The following ATXN8OS variants were observed in gnomAD, a reference collection of about 807,000 sequenced individuals.
The protein encoded by ATXN8OS is ATXN8 opposite strand lncRNA, also known as ATXN8 opposite strand (non-protein coding).
intron 4 of ATXN8OS, among the ~76,000 whole-genome samples, chr13:70,152,388 T>C (rs1888880347): frequency 6.6e-6 from 1 of 151,974 alleles, no homozygotes; most frequent in African/African-American, 2.4e-5. Context: ...TATACATATA[T>C]ATACACATAT....
At chr13:70,170,243 C>T (rs1889129567) in exon 5 of ATXN8OS, among the ~76,000 whole-genome samples, 1 of 151,988 alleles carries the variant, frequency 6.6e-6, no homozygotes, top group Non-Finnish European at 1.5e-5. Context: ...ATCTCAGATG[C>T]CATTCTGAAT....
Position 70,167,182 on chromosome 13 carries a change from T to C in ATXN8OS, n.574-2571T>C, listed in dbSNP as rs573398819. On this transcript the variant is annotated intron_variant and non_coding_transcript_variant, in intron 4 of 4. Coordinates refer to ENST00000678624, the Ensembl canonical transcript of ATXN8OS. ...CATTACTGGGTATATACCCAAAGGATTATAAATCATGCTGCTATAAAGACA... is the reference window on the plus strand; with the variant it reads ...CATTACTGGGTATATACCCAAAGGACTATAAATCATGCTGCTATAAAGACA... Among the ~76,000 whole-genome samples the C allele has an allele frequency of 4.6e-5, 7 of 152,208 alleles. No homozygotes were observed. In the South Asian group the frequency reaches 1.0e-3, roughly 23 times the overall value.
chr13:70,161,137 T>A lies in ATXN8OS; in HGVS notation n.574-8616T>A, dbSNP rs879490681. ...AAACTAAATACTGCAAGATTTAAAT[T>A]TTTTTAATGATTGAATTGAAAAAAA... On this transcript the variant is annotated intron_variant and non_coding_transcript_variant, in intron 4 of 4. Transcript: ENST00000678624. Among the ~76,000 whole-genome samples, 98 of 151,982 alleles carry A rather than the reference T, an allele frequency of 6.4e-4. 1 individual carries two copies. Among genetic ancestry groups the A allele is most frequent in the Admixed American group, 2.6e-3 (40 of 15,238 alleles).
intron 3 of ATXN8OS, chr13:70,130,705 A>G (rs1207087707): frequency 5.0e-6 from 2 of 398,386 alleles, no homozygotes; most frequent in Admixed American, 8.8e-5. Flanking sequence ...AGAGGGAAGA[A>G]AAACATTTAA....
intron 4 of ATXN8OS, among the ~76,000 whole-genome samples, chr13:70,148,283 T>C (rs1888816615): frequency 6.6e-6 from 1 of 152,198 alleles, no homozygotes; most frequent in Admixed American, 6.5e-5. Context: ...TTTCAAAATA[T>C]GTCAGTGAAA....
intron 4 of ATXN8OS, among the ~76,000 whole-genome samples, chr13:70,167,894 CCTGA>C (rs1194760271): frequency 6.6e-6 from 1 of 151,814 alleles, no homozygotes; most frequent in Non-Finnish European, 1.5e-5. Context: ...TGCCGCCACT[CCTGA>C]CTAATTTTTT....
intron 1 of ATXN8OS, among the ~76,000 whole-genome samples, chr13:70,112,037 T>C (rs1888204273): frequency 6.6e-6 from 1 of 152,156 alleles, no homozygotes; most frequent in Admixed American, 6.5e-5. Context: ...CTTCTGCTTC[T>C]GGGGAGGAGG....
chr13:70,129,938 T>A, intron 3 of ATXN8OS: 1 of 398,218 alleles, frequency 2.5e-6, no homozygotes, highest in Non-Finnish European at 4.4e-6. Flanking sequence ...GTGCCATTAG[T>A]GCCTCCTTGA....
intron 2 of ATXN8OS, among the ~76,000 whole-genome samples, chr13:70,122,780 C>G (rs1040773528): frequency 1.3e-5 from 2 of 151,770 alleles, no homozygotes; most frequent in South Asian, 4.2e-4. Context: ...GGGAGAGATA[C>G]AAAGATAGGC....
At chr13:70,112,745 A>G (rs1224279080) in intron 1 of ATXN8OS, among the ~76,000 whole-genome samples, 5 of 151,902 alleles carry the variant, frequency 3.3e-5, no homozygotes, top group Non-Finnish European at 7.4e-5. Context: ...TGAATTCAAA[A>G]TGGCATTAAA....
intron 2 of ATXN8OS, among the ~76,000 whole-genome samples, chr13:70,116,662 G>A (rs955901683): frequency 2.6e-5 from 4 of 152,138 alleles, no homozygotes; most frequent in African/African-American, 9.6e-5. Flanking sequence ...AGGATTTGGA[G>A]CATTGGAGTG....
At chr13:70,129,727 T>C in intron 2 of ATXN8OS, 2 of 398,254 alleles carry the variant, frequency 5.0e-6, no homozygotes, top group Non-Finnish European at 8.9e-6. Flanking sequence ...CAAAATATTA[T>C]TCTAAGTGTC....
intron 1 of ATXN8OS, among the ~76,000 whole-genome samples, chr13:70,113,515 G>T (rs1263320614): frequency 6.6e-6 from 1 of 152,068 alleles, no homozygotes; most frequent in East Asian, 1.9e-4. Flanking sequence ...ACTGAAATTT[G>T]CCTGTATCAC....
chr13:70,140,338 T>G (rs1274545179), intron 3 of ATXN8OS, among the ~76,000 whole-genome samples: 1 of 152,124 alleles, frequency 6.6e-6, no homozygotes, highest in African/African-American at 2.4e-5. Flanking sequence ...GAATTTATTT[T>G]TATTCATGTA....
chr13:70,160,749 AATTTTATATTTATATAATATG>A (rs1888997464), intron 4 of ATXN8OS, among the ~76,000 whole-genome samples: 1 of 26,950 alleles, frequency 3.7e-5, no homozygotes, highest in African/African-American at 7.3e-5. Context: ...TTTTATATAT[AATTTTATATTTATATAATATG>A]TAAATATATA....
At chr13:70,140,893 G>A (rs1033173449) in intron 3 of ATXN8OS, among the ~76,000 whole-genome samples, 1 of 152,088 alleles carries the variant, frequency 6.6e-6, no homozygotes, top group African/African-American at 2.4e-5. Flanking sequence ...ATAAGCTATG[G>A]TCAGTAGAGA....
intron 3 of ATXN8OS, chr13:70,130,795 C>T (rs192829380): frequency 1.6e-3 from 657 of 398,434 alleles, no homozygotes; most frequent in Non-Finnish European, 2.5e-3. Flanking sequence ...CCTCGGAGTA[C>T]CTGCAGAACT....
chr13:70,146,382 A>G (rs1008930991), intron 3 of ATXN8OS, among the ~76,000 whole-genome samples: 1 of 151,738 alleles, frequency 6.6e-6, no homozygotes, highest in African/African-American at 2.4e-5. Context: ...TAGAACTAGA[A>G]ATACCATTTG....
intron 3 of ATXN8OS, among the ~76,000 whole-genome samples, chr13:70,147,215 G>T (rs1326159604): frequency 6.6e-6 from 1 of 152,070 alleles, no homozygotes; most frequent in South Asian, 2.1e-4. Flanking sequence ...AAGAAATATT[G>T]TTCACTGTTT....
Sources: allele counts gnomAD v4.1 joint callset (sites outside exome capture counted in the v4.1 genomes callset), GRCh38; gene constraint gnomAD v4.1.1; transcripts MANE v1.5; gene names NCBI Gene and HGNC (gene_info 2026-07-23, HGNC 2026-07-21).